The following PCDHGB1 variants were observed in gnomAD, a reference collection of about 807,000 sequenced individuals.
The protein encoded by PCDHGB1 is protocadherin gamma subfamily B, 1.
In PCDHGB1, 34 loss-of-function variants were observed where a neutral mutation model predicts 56.6. The ratio of observed to expected loss-of-function variants is 0.60; its 90% CI spans 0.46 to 0.80. The LOEUF (loss-of-function observed/expected upper bound fraction) is 0.80. Among genes scored for constraint, PCDHGB1 ranks in the 30% least tolerant of loss-of-function variants. The pLI, the probability that PCDHGB1 is intolerant of heterozygous loss-of-function variation, is 0.00. For synonymous variants in PCDHGB1, 561 were observed against 505.9 expected (o/e 1.11, Z -1.46); for missense variants, 1,278 against 1,204.6 (o/e 1.06, Z -0.90).
At chr5:141,352,816 C>A in intron 1 of PCDHGB1, 147 bp downstream of exon 1, 1 of 816,730 alleles carries the variant, frequency 1.2e-6, no homozygotes, top group Non-Finnish European at 1.9e-6. Context: ...ATGGTAAAAC[C>A]CGGTCTACTA....
At chr5:141,441,864 G>A in intron 1 of PCDHGB1, 3 of 344,518 alleles carry the variant, frequency 8.7e-6, no homozygotes, top group Admixed American at 4.1e-5. Context: ...TGCACGCCGC[G>A]GAGCCTGGCT....
chr5:141,380,499 A>G (rs1185808520), intron 1 of PCDHGB1, among the ~76,000 whole-genome samples: 4 of 152,330 alleles, frequency 2.6e-5, no homozygotes, highest in East Asian at 1.9e-4. Flanking sequence ...GTCAACAATA[A>G]TATACACTCT....
intron 1 of PCDHGB1, chr5:141,394,844 T>C (rs2093111751): frequency 6.2e-7 from 1 of 1,613,752 alleles, no homozygotes. Context: ...AGTTGGGCAG[T>C]CTGAAGCCTT....
chr5:141,408,380 G>T, intron 1 of PCDHGB1: 1 of 1,614,028 alleles, frequency 6.2e-7, no homozygotes, highest in East Asian at 2.2e-5. Context: ...CAGTGTCCTG[G>T]ATGTGTCGGC....
chr5:141,432,336 G>A lies in PCDHGB1; in HGVS notation c.2410-62471G>A. On this transcript the variant is annotated intron_variant, in intron 1 of 3. Coordinates refer to ENST00000523390, the MANE Select transcript of PCDHGB1 (RefSeq NM_018922.3). The surrounding 1 kb of genome is among the most constrained non-coding windows in gnomAD (Gnocchi z 6.0). ...AGCTCCTTCGACTACGAGCAGTTCC[G>A]AGACTTGCAAGTGAAAGTGATGGCG... 1.2e-6 allele frequency: 2 copies of A among 1,614,250 alleles called. No homozygotes were observed. The highest frequency in any genetic ancestry group is 1.7e-6 in the Non-Finnish European group (2 of 1,180,040).
intron 1 of PCDHGB1, among the ~76,000 whole-genome samples, chr5:141,381,686 AAAC>A (rs1269227136): frequency 2.6e-5 from 4 of 152,308 alleles, no homozygotes; most frequent in Non-Finnish European, 4.4e-5. Context: ...CAGCCAAGAC[AAAC>A]AACGATTTCT....
At chr5:141,428,082 G>C (rs776612130) in intron 1 of PCDHGB1, 2 of 1,609,030 alleles carry the variant, frequency 1.2e-6, no homozygotes, top group Non-Finnish European at 8.5e-7. Flanking sequence ...GGGACACAAC[G>C]CTTGGCTGTC....
At chr5:141,383,767 A>G (rs1779455066) in intron 1 of PCDHGB1, 2 of 1,613,886 alleles carry the variant, frequency 1.2e-6, no homozygotes, top group South Asian at 2.2e-5. Flanking sequence ...TAAACTTCCA[A>G]AGATGTTTCA....
rs1390278177 is a variant in PCDHGB1, at chr5:141,366,317, G to A, written c.2409+13648G>A. The A allele has an allele frequency of 1.9e-6, 3 of 1,613,628 alleles. No homozygotes were observed. In the South Asian group the frequency reaches 3.3e-5, roughly 18 times the overall value. ...GTCAGCCACCTTCACGGTCACCGTT[G>A]CCGTGGCCGACAGGATCCCTGACAT... On this transcript the variant is annotated intron_variant, in intron 1 of 3. Coordinates refer to ENST00000523390, the MANE Select transcript of PCDHGB1 (RefSeq NM_018922.3).
At chr5:141,388,558 C>G in intron 1 of PCDHGB1, 1 of 1,613,910 alleles carries the variant, frequency 6.2e-7, no homozygotes, top group Non-Finnish European at 8.5e-7. Context: ...CTAAGCAGCA[C>G]TGCACAGATA....
At chr5:141,414,334 A>C in intron 1 of PCDHGB1, 1 of 1,613,782 alleles carries the variant, frequency 6.2e-7, no homozygotes, top group Non-Finnish European at 8.5e-7. Flanking sequence ...TGGACAGGTA[A>C]CCTGTTCCAT....
intron 1 of PCDHGB1, among the ~76,000 whole-genome samples, chr5:141,433,805 C>T (rs1325364387): frequency 1.3e-5 from 2 of 150,004 alleles, no homozygotes; most frequent in South Asian, 4.2e-4. Flanking sequence ...CCATTGCACT[C>T]CAGCCTGGGC....
At chr5:141,433,347 C>T (rs1207853986) in intron 1 of PCDHGB1, 3 of 626,596 alleles carry the variant, frequency 4.8e-6, no homozygotes, top group Non-Finnish European at 8.3e-6. Context: ...GTGCAAGCCA[C>T]CTACTGTCTG....
In PCDHGB1 at chr5:141,375,801, C is replaced by T; in HGVS notation, c.2409+23132C>T. ...CCCGCCCTCCCCACAGACGGTTCCA[C>T]TGGCGTGGAGCTGGCGCCCCGCTCC... On this transcript the variant is annotated intron_variant, in intron 1 of 3. Transcript: ENST00000523390. The T allele has an allele frequency of 2.5e-6, 4 of 1,614,248 alleles. No homozygotes were observed. The East Asian group carries it at 8.9e-5, about 36-fold the overall frequency.
intron 1 of PCDHGB1, chr5:141,408,754 T>G: frequency 6.2e-7 from 1 of 1,610,602 alleles, no homozygotes; most frequent in Non-Finnish European, 8.5e-7. Flanking sequence ...TGGTTAGAGT[T>G]AATTCCGATG....
At chr5:141,427,146 AAT>A (rs1561826638) in intron 1 of PCDHGB1, 1 of 456,990 alleles carries the variant, frequency 2.2e-6, no homozygotes, top group Non-Finnish European at 4.4e-6. Context: ...TGATATTGGA[AAT>A]ATGTTTGTGC....
chr5:141,399,448 G>A (rs1272959259), intron 1 of PCDHGB1: 5 of 1,613,872 alleles, frequency 3.1e-6, no homozygotes, highest in Non-Finnish European at 4.2e-6. Flanking sequence ...TATCAGAGAC[G>A]TCAACGATAA....
Position 141,486,173 on chromosome 5 carries a change from T to C in PCDHGB1, c.2410-8634T>C. 1 of 1,614,220 alleles carries C rather than the reference T, an allele frequency of 6.2e-7. No homozygotes were observed. Among genetic ancestry groups the C allele is most frequent in the Non-Finnish European group, 8.5e-7 (1 of 1,180,042 alleles). ...GGGTTCTCCAGCCATGGAGCAACATTGCAGCCTTCGAGTGGATCTGCTGGA... is the reference window on the plus strand; with the variant it reads ...GGGTTCTCCAGCCATGGAGCAACATCGCAGCCTTCGAGTGGATCTGCTGGA... On this transcript the variant is annotated intron_variant, in intron 1 of 3. Transcript: ENST00000523390. The surrounding 1 kb of genome is among the most constrained non-coding windows in gnomAD (Gnocchi z 5.0).
At chr5:141,460,981 GTGTA>G (rs1315974712) in intron 1 of PCDHGB1, among the ~76,000 whole-genome samples, 3 of 121,894 alleles carry the variant, frequency 2.5e-5, no homozygotes, top group Non-Finnish European at 5.1e-5. Context: ...GTGTGTGTGT[GTGTA>G]TATATATATA....
Sources: gnomAD v4.1 joint callset for allele counts (sites outside exome capture counted in the v4.1 genomes callset) on GRCh38, gnomAD v4.1.1 for gene constraint, Gnocchi (gnomAD v3.1) non-coding constraint, MANE v1.5 for transcripts, NCBI Gene and HGNC (gene_info 2026-07-23, HGNC 2026-07-21) for gene names.